TYMS: variants seen among roughly 807,000 people sequenced by gnomAD.
TYMS encodes thymidylate synthetase, also known as thymidylate synthase.
In TYMS, 21 loss-of-function variants were observed where a neutral mutation model predicts 39.3. The ratio of observed to expected loss-of-function variants is 0.54; its 90% CI spans 0.38 to 0.77. TYMS has a LOEUF of 0.77. TYMS is among the 30% of genes least tolerant of loss of function. The probability of loss-of-function intolerance (pLI) is 0.00; values close to 1 mark genes in which losing one functional copy is unlikely to be tolerated. For synonymous variants in TYMS, 171 were observed against 162.2 expected, an observed-to-expected ratio of 1.05 and a Z score of -0.41; for missense variants, 273 against 406.7, an observed-to-expected ratio of 0.67 and a Z score of 2.83.
In TYMS at chr18:670,879, C is replaced by T. The variant is rs374858536; in HGVS notation, c.732+12C>T. On this transcript the variant is annotated intron_variant, in intron 5 of 6. Transcript: ENST00000323274. ...TCACGGGCCTGAAGGTGGGCTGTCT[C>T]GGGAAGGGTGACTTGCCAGCCTACC... 3.0e-5 allele frequency: 48 copies of T among 1,613,172 alleles called. 1 individual carries two copies. The African/African-American group carries it at 3.1e-4, about 10-fold the overall frequency.
intron 4 of TYMS, 68 bp downstream of exon 4, chr18:669,241 G>A: frequency 1.4e-6 from 2 of 1,409,198 alleles, no homozygotes; most frequent in Admixed American, 3.6e-5. Flanking sequence ...CTGGTTTTGT[G>A]CAGAGGCACC....
rs1210658121 is a variant in TYMS, at chr18:658,010, G to A, written c.205+63G>A. ...GGAGGGAGGCGCGGCTGGGGAGAGC[G>A]CTCGGGAGCTGCCGGGCGCTGCGGA... On this transcript the variant is annotated intron_variant, in intron 1 of 6. Coordinates refer to ENST00000323274, the MANE Select transcript of TYMS (RefSeq NM_001071.4). The surrounding 1 kb of genome is among the most constrained non-coding windows in gnomAD (Gnocchi z 4.5). 1 of 1,523,426 alleles carries A rather than the reference G, an allele frequency of 6.6e-7. No individual in the cohort carries two copies. Among genetic ancestry groups the A allele is most frequent in the East Asian group, 2.4e-5 (1 of 41,126 alleles). 94.4% of individuals were successfully genotyped at this position (1,523,426 alleles called of 1,614,324 possible).
Position 673,128 on chromosome 18 carries a change from T to A in TYMS, c.*131T>A. 1 of 1,054,546 alleles carries A rather than the reference T, an allele frequency of 9.5e-7. No individual in the cohort carries two copies. The highest frequency in any genetic ancestry group is 1.3e-6 in the Non-Finnish European group (1 of 765,136). The allele number at this position is 1,054,546 out of a possible 1,614,324, so 65.3% of individuals were successfully genotyped here. ...AATCTGTCCGTGACCTATCAGTTATTAATTTTTAAGGATGTTGCCACTGGC... is the reference window on the plus strand; with the variant it reads ...AATCTGTCCGTGACCTATCAGTTATAAATTTTTAAGGATGTTGCCACTGGC... On this transcript the variant is annotated 3_prime_UTR_variant, in exon 7 of 7. Transcript: ENST00000323274.
chr18:669,111 T>C lies in TYMS; in HGVS notation c.494T>C (p.Ile165Thr), dbSNP rs771296240. 5.6e-6 allele frequency: 9 copies of C among 1,614,210 alleles called. No homozygotes were observed. The highest frequency in any genetic ancestry group is 7.6e-6 in the Non-Finnish European group (9 of 1,180,038). ...GQGVDQLQRV[I>T]DTIKTNPDDR... ...GGAGTTGACCAACTGCAAAGAGTGATTGACACCATCAAAACCAACCCTGAC... is the reference window on the plus strand; with the variant it reads ...GGAGTTGACCAACTGCAAAGAGTGACTGACACCATCAAAACCAACCCTGAC... The change falls in exon 4 of 7, where the codon ATT becomes ACT. Residue 165 changes from isoleucine to threonine, a missense_variant. Coordinates refer to ENST00000323274, the MANE Select transcript of TYMS (RefSeq NM_001071.4).
chr18:666,925 G>GA (rs1555639526), intron 3 of TYMS, among the ~76,000 whole-genome samples: 1 of 64,596 alleles, frequency 1.5e-5, no homozygotes, highest in African/African-American at 5.1e-5. Flanking sequence ...TGATGGAGAT[G>GA]GTGATGGTGA....
chr18:659,811 C>T, intron 2 of TYMS, 97 bp downstream of exon 2: 1 of 1,099,106 alleles, frequency 9.1e-7, no homozygotes, highest in Admixed American at 1.7e-5. Context: ...TGTGGTGGCT[C>T]ACGCCTGTAA....
chr18:669,214 T>C, intron 4 of TYMS, 41 bp downstream of exon 4: 1 of 1,565,052 alleles, frequency 6.4e-7, no homozygotes, highest in Non-Finnish European at 8.8e-7. Context: ...CTAACCATAC[T>C]CTTAGAGGGA....
chr18:659,748 CTG>C, intron 2 of TYMS, 34 bp downstream of exon 2: 1 of 1,552,862 alleles, frequency 6.4e-7, no homozygotes, highest in Non-Finnish European at 8.9e-7. Flanking sequence ...AGTCAGTAGT[CTG>C]TTCTCAACAC....
At chr18:661,114 A>C (rs990420868) in intron 2 of TYMS, among the ~76,000 whole-genome samples, 1 of 152,228 alleles carries the variant, frequency 6.6e-6, no homozygotes, top group African/African-American at 2.4e-5. Context: ...CAATATGTAA[A>C]AGATTGAGAA....
chr18:666,122 G>A lies in TYMS; in HGVS notation c.455-2950G>A, dbSNP rs1418438466. Among the ~76,000 whole-genome samples, 5 of 102,424 alleles carry A rather than the reference G, an allele frequency of 4.9e-5. No individual in the cohort carries two copies. In the East Asian group the frequency reaches 1.8e-3, roughly 37 times the overall value. 67.2% of individuals were successfully genotyped at this position (102,424 alleles called of 152,430 possible). A position where few individuals can be genotyped will look rare whatever the true frequency, so the allele number is the denominator to read the frequency against. On this transcript the variant is annotated intron_variant, in intron 3 of 6. Transcript: ENST00000323274. ...CTAATGTTGACAGTGGGGTGTTAAAGTCTCCCATTATTAATGTGTGGGAGT... is the reference window on the plus strand; with the variant it reads ...CTAATGTTGACAGTGGGGTGTTAAAATCTCCCATTATTAATGTGTGGGAGT...
Position 669,893 on chromosome 18 carries a change from T to A in TYMS, c.556+720T>A, listed in dbSNP as rs115701293. On this transcript the variant is annotated intron_variant, in intron 4 of 6. Transcript: ENST00000323274. ...GAGAGGATCATTTGAACCCAGGAATTTGAGGCTGTAGTGAGTCATGATCAC... is the reference window on the plus strand; with the variant it reads ...GAGAGGATCATTTGAACCCAGGAATATGAGGCTGTAGTGAGTCATGATCAC... Among the ~76,000 whole-genome samples, 350 of 151,898 alleles carry A rather than the reference T, an allele frequency of 2.3e-3. 1 individual carries two copies. The highest frequency in any genetic ancestry group is 8.1e-3 in the African/African-American group (334 of 41,448).
At position 660,168 on chromosome 18, in the gene TYMS, G is replaced by A. The variant is rs546095969; in HGVS notation, c.279+454G>A. Among the ~76,000 whole-genome samples, 1 of 152,250 alleles carries A rather than the reference G, an allele frequency of 6.6e-6. No individual in the cohort carries two copies. Among genetic ancestry groups the A allele is most frequent in the African/African-American group, 2.4e-5 (1 of 41,536 alleles). ...CTCAGTAAGAGCCACGGTCCTTATG[G>A]TGTCCGTTTTTCAGCTCTGACCTTA... On this transcript the variant is annotated intron_variant, in intron 2 of 6. Transcript: ENST00000323274. This position sits in a 1 kb window ranked among gnomAD's most constrained non-coding sequence, Gnocchi z 4.6.
intron 2 of TYMS, among the ~76,000 whole-genome samples, chr18:659,978 G>C (rs1008923810): frequency 8.5e-5 from 13 of 152,210 alleles, no homozygotes; most frequent in Non-Finnish European, 1.8e-4. Flanking sequence ...GGAGGCTGAG[G>C]CATGAGAATT....
chr18:664,872 A>G (rs1157309238), intron 3 of TYMS, among the ~76,000 whole-genome samples: 13 of 123,510 alleles, frequency 1.1e-4, no homozygotes, highest in African/African-American at 4.5e-4. Context: ...TGAAGCCCAC[A>G]TGATCATGGT....
chr18:668,940 C>G, intron 3 of TYMS, 132 bp from the exon 4 acceptor site: 1 of 639,842 alleles, frequency 1.6e-6, no homozygotes, highest in Non-Finnish European at 2.6e-6. Flanking sequence ...TTGCAGGATG[C>G]ACCAGATGTC....
At chr18:671,324 A>T (rs746001050) in intron 5 of TYMS, 56 bp from the exon 6 acceptor site, 30 of 1,117,526 alleles carry the variant, frequency 2.7e-5, no homozygotes, top group Non-Finnish European at 4.1e-5. Flanking sequence ...TTTTTAAATG[A>T]TGTTTTAAAG....
intron 3 of TYMS, among the ~76,000 whole-genome samples, chr18:665,493 G>GT (rs1216752407): frequency 1.4e-5 from 2 of 144,592 alleles, no homozygotes; most frequent in African/African-American, 2.6e-5. Context: ...TTTTTGAAGG[G>GT]TTTTTTGTGT....
Position 658,248 on chromosome 18 carries a change from C to T in TYMS, c.205+301C>T, listed in dbSNP as rs1045772374. The T allele has an allele frequency of 6.8e-7, 1 of 1,479,022 alleles. No homozygotes were observed. Among genetic ancestry groups the T allele is most frequent in the Non-Finnish European group, 9.1e-7 (1 of 1,100,512 alleles). The allele number at this position is 1,479,022 out of a possible 1,614,324, so 91.6% of individuals were successfully genotyped here. Reference sequence around the variant, plus strand: ...CCGTGGCCCCCGAGGCGGGCGTCATCGGGCAGCGTTTGCCCAGTGCTGGAG... The same window carrying T: ...CCGTGGCCCCCGAGGCGGGCGTCATTGGGCAGCGTTTGCCCAGTGCTGGAG... On this transcript the variant is annotated intron_variant, in intron 1 of 6. Coordinates refer to ENST00000323274, the MANE Select transcript of TYMS (RefSeq NM_001071.4). The surrounding 1 kb of genome is among the most constrained non-coding windows in gnomAD (Gnocchi z 4.5).
intron 4 of TYMS, chr18:669,587 G>A (rs181269053): frequency 9.1e-4 from 152 of 166,294 alleles, no homozygotes; most frequent in Middle Eastern, 3.1e-3. Context: ...GGTCAGGCTG[G>A]TCTTGAACTC....
Sources: allele counts gnomAD v4.1 joint callset (sites outside exome capture counted in the v4.1 genomes callset), GRCh38; gene constraint gnomAD v4.1.1; non-coding constraint Gnocchi (gnomAD v3.1); transcripts MANE v1.5; gene names NCBI Gene and HGNC (gene_info 2026-07-23, HGNC 2026-07-21).